The following ALKAL2 variants were observed in gnomAD, a reference collection of about 807,000 sequenced individuals.
ALKAL2 encodes the protein ALK and LTK ligand 2, also known as AUG-alpha.
In ALKAL2, 8 loss-of-function variants were observed where a neutral mutation model predicts 18.5. The observed-to-expected ratio is 0.43, with a 90% confidence interval of 0.25 to 0.78. The LOEUF (loss-of-function observed/expected upper bound fraction) is 0.78, where lower values mean the gene tolerates loss of function less well. Ranked by LOEUF, ALKAL2 falls within the 30% of genes least tolerant of loss-of-function variation. The pLI is 0.22. For missense variants in ALKAL2, 241 were observed against 211.2 expected (o/e 1.14, Z -0.88); for synonymous variants, 135 against 95.8 (o/e 1.41, Z -2.39).
At chr2:280,748 C>CTGT (rs2103079898) in intron 5 of ALKAL2, among the ~76,000 whole-genome samples, 1 of 152,254 alleles carries the variant, frequency 6.6e-6, no homozygotes, top group Non-Finnish European at 1.5e-5. Flanking sequence ...GTATCTGTGA[C>CTGT]TGTTAGGGAG....
In ALKAL2 at chr2:287,645, C is replaced by A. The variant is rs1315371153; in HGVS notation, c.191G>T (p.Arg64Leu). ...CTCCGCGCGGCCCAGGGCGCAGTCC[C>A]GCCCGAGGAGCTGCAGGCCCTTGTG... ...AEHKGLQLLG[R>L]DCALGRAEAA... The change falls in exon 2 of 6, where the codon CGG becomes CTG. Residue 64 changes from arginine to leucine, a missense_variant. By Grantham distance (102) the Arg-to-Leu change is moderately radical. Coordinates refer to ENST00000403610, the MANE Select transcript of ALKAL2 (RefSeq NM_001002919.3). The A allele has an allele frequency of 3.4e-6, 5 of 1,481,778 alleles. No homozygotes were observed. In the African/African-American group the frequency reaches 7.3e-5, roughly 22 times the overall value. 91.8% of individuals were successfully genotyped at this position (1,481,778 alleles called of 1,614,324 possible).
chr2:287,666 T>C lies in ALKAL2; in HGVS notation c.170A>G (p.Lys57Arg), dbSNP rs1670569181. ...ELRKHHSAEH[K>R]GLQLLGRDCA... Reference sequence around the variant, plus strand: ...GTCCCGCCCGAGGAGCTGCAGGCCCTTGTGCTCCGCCGAGTGGTGCTTCCG... The same window carrying C: ...GTCCCGCCCGAGGAGCTGCAGGCCCCTGTGCTCCGCCGAGTGGTGCTTCCG... Residue 57 changes from lysine to arginine, a missense_variant, in exon 2 of 6, where the codon AAG (lysine) becomes AGG (arginine). Coordinates refer to ENST00000403610, the MANE Select transcript of ALKAL2 (RefSeq NM_001002919.3). The C allele has an allele frequency of 4.0e-6, 6 of 1,484,570 alleles. No homozygotes were observed. Among genetic ancestry groups the C allele is most frequent in the Non-Finnish European group, 5.3e-6 (6 of 1,123,940 alleles). 92.0% of individuals were successfully genotyped at this position (1,484,570 alleles called of 1,614,324 possible). A position where few individuals can be genotyped will look rare whatever the true frequency, so the allele number is the denominator to read the frequency against.
chr2:287,499 G>A, intron 2 of ALKAL2, 84 bp downstream of exon 2: 2 of 697,926 alleles, frequency 2.9e-6, no homozygotes, highest in Non-Finnish European at 4.1e-6. Flanking sequence ...GGTCAAAATT[G>A]ATGTCTCTTT....
intron 4 of ALKAL2, chr2:283,531 G>C (rs980294569): frequency 2.0e-6 from 2 of 985,286 alleles, no homozygotes; most frequent in Non-Finnish European, 2.4e-6. Context: ...GCTACTTTCA[G>C]GTCATGTGCA....
intron 5 of ALKAL2, among the ~76,000 whole-genome samples, chr2:281,747 T>C (rs1449530880): frequency 6.6e-6 from 1 of 151,662 alleles, no homozygotes; most frequent in Non-Finnish European, 1.5e-5. Context: ...AGGATGTCCC[T>C]GGCCCATCTC....
chr2:286,953 G>A (rs1670530082), intron 2 of ALKAL2: 1 of 152,242 alleles, frequency 6.6e-6, no homozygotes. Context: ...AGTGGGTGGG[G>A]AGAACCCTGC....
Position 286,146 on chromosome 2 carries a change from GTGT to G in ALKAL2, c.362_364del (p.Asn121del), listed in dbSNP as rs1390415998. On this transcript the variant is annotated inframe_deletion, in exon 4 of 6. Coordinates refer to ENST00000403610, the MANE Select transcript of ALKAL2 (RefSeq NM_001002919.3). ...ACATGCAGGAATGGTGCAGTCTCTG[GTGT>G]TGTGATAAAGTCTATGGAAGTGTTT... 1 of 1,613,732 alleles carries G rather than the reference GTGT, an allele frequency of 6.2e-7. No homozygotes were observed. The highest frequency in any genetic ancestry group is 8.5e-7 in the Non-Finnish European group (1 of 1,179,780).
Position 287,645 on chromosome 2 carries a change from C to T in ALKAL2, c.191G>A (p.Arg64Gln), listed in dbSNP as rs1315371153. ...CTCCGCGCGGCCCAGGGCGCAGTCC[C>T]GCCCGAGGAGCTGCAGGCCCTTGTG... Reference protein sequence around the residue: ...AEHKGLQLLGRDCALGRAEAA... With the variant: ...AEHKGLQLLGQDCALGRAEAA... The change falls in exon 2 of 6, where the codon CGG (arginine) becomes CAG (glutamine). Residue 64 changes from arginine to glutamine, a missense_variant. Arg to Gln is a conservative substitution (Grantham distance 43, BLOSUM62 1). Coordinates refer to ENST00000403610, the MANE Select transcript of ALKAL2 (RefSeq NM_001002919.3). The T allele has an allele frequency of 1.3e-6, 2 of 1,481,778 alleles. No homozygotes were observed. The highest frequency in any genetic ancestry group is 1.8e-6 in the Non-Finnish European group (2 of 1,122,240). The allele number at this position is 1,481,778 out of a possible 1,614,324, so 91.8% of individuals were successfully genotyped here. A position where few individuals can be genotyped will look rare whatever the true frequency, so the allele number is the denominator to read the frequency against.
chr2:280,181 G>C (rs762898026), intron 5 of ALKAL2, 29 bp from the exon 6 acceptor site: 2 of 1,613,514 alleles, frequency 1.2e-6, no homozygotes, highest in Non-Finnish European at 1.7e-6. Context: ...CGTGTGATAT[G>C]ACTATCCACA....
At chr2:283,830 AATT>A (rs1670426992) in intron 4 of ALKAL2, among the ~76,000 whole-genome samples, 1 of 152,180 alleles carries the variant, frequency 6.6e-6, no homozygotes, top group Non-Finnish European at 1.5e-5. Context: ...ATAGTTTGTA[AATT>A]ATTACAGTTT....
chr2:280,577 A>G (rs1386970052), intron 5 of ALKAL2, among the ~76,000 whole-genome samples: 1 of 152,192 alleles, frequency 6.6e-6, no homozygotes, highest in Non-Finnish European at 1.5e-5. Flanking sequence ...AACCATTGGT[A>G]TTCTATTTAT....
At chr2:287,527 A>G (rs1670559671) in intron 2 of ALKAL2, 56 bp downstream of exon 2, 2 of 1,242,716 alleles carry the variant, frequency 1.6e-6, no homozygotes, top group Non-Finnish European at 2.1e-6. Flanking sequence ...GTGTTTCTCA[A>G]AGACAATTCT....
chr2:286,310 T>C lies in ALKAL2; in HGVS notation c.287A>G (p.Lys96Arg). 1.2e-6 allele frequency: 2 copies of C among 1,612,878 alleles called. No homozygotes were observed. Among genetic ancestry groups the C allele is most frequent in the Non-Finnish European group, 1.7e-6 (2 of 1,179,410 alleles). Residue 96 changes from lysine to arginine, a missense_variant, in exon 3 of 6, where the codon AAG (lysine) becomes AGG (arginine). Coordinates refer to ENST00000403610, the MANE Select transcript of ALKAL2 (RefSeq NM_001002919.3). ...IVPRDLRMKD[K>R]FLKHLTGPLY... ...CTTACCTGTAAGGTGTTTTAGAAAC[T>C]TGTCCTTCATCCTCAGATCTCGAGG...
intron 1 of ALKAL2, 50 bp from the exon 2 acceptor site, chr2:287,942 G>C (rs953692195): frequency 7.3e-6 from 9 of 1,233,032 alleles, no homozygotes; most frequent in African/African-American, 1.6e-5. Flanking sequence ...GCGGGGGAGG[G>C]GGACGGAGCG....
At position 286,326 on chromosome 2, in the gene ALKAL2, G is replaced by C. The variant is rs1264551254; in HGVS notation, c.271C>G (p.Leu91Val). ...TTTAGAAACTTGTCCTTCATCCTCA[G>C]ATCTCGAGGAACAATTTCTGTTTCA... ...EQRVEIVPRDLRMKDKFLKHL... is the reference protein window; with the variant it reads ...EQRVEIVPRDVRMKDKFLKHL... The change falls in exon 3 of 6, where the codon CTG (leucine) becomes GTG (valine). Residue 91 changes from leucine to valine, a missense_variant. By Grantham distance (32) the Leu-to-Val change is conservative (BLOSUM62 1). Transcript: ENST00000403610. 1 of 1,611,004 alleles carries C rather than the reference G, an allele frequency of 6.2e-7. No individual in the cohort carries two copies. The highest frequency in any genetic ancestry group is 1.7e-5 in the Admixed American group (1 of 59,628).
rs1239566819 is a variant in ALKAL2 at position 279,625 on chromosome 2, G to A, written c.*522C>T. The A allele has an allele frequency of 6.5e-6, 1 of 154,916 alleles. No individual in the cohort carries two copies. The allele number at this position is 154,916 out of a possible 1,614,324, so 9.6% of individuals were successfully genotyped here. On this transcript the variant is annotated 3_prime_UTR_variant, in exon 6 of 6. Coordinates refer to ENST00000403610, the MANE Select transcript of ALKAL2 (RefSeq NM_001002919.3). Reference sequence around the variant, plus strand: ...ACTATTTACATATTGCACAATAGCTGGAATACTATTTTACATTTATAATAC... The same window carrying A: ...ACTATTTACATATTGCACAATAGCTAGAATACTATTTTACATTTATAATAC...
rs1670280690 is a variant in ALKAL2 at position 279,914 on chromosome 2, TTG to T, written c.*231_*232del. ...ACACGTCAAATGTGGAGCATTCCTT[TTG>T]TGTTTTTTTTTTAAATAAGTGACAG... On this transcript the variant is annotated 3_prime_UTR_variant, in exon 6 of 6. Coordinates refer to ENST00000403610, the MANE Select transcript of ALKAL2 (RefSeq NM_001002919.3). The T allele has an allele frequency of 2.0e-6, 1 of 505,746 alleles. No homozygotes were observed. The highest frequency in any genetic ancestry group is 3.6e-6 in the Non-Finnish European group (1 of 280,924). The allele number at this position is 505,746 out of a possible 1,614,324, so 31.3% of individuals were successfully genotyped here.
rs1297813026 is a variant in ALKAL2 at position 287,710 on chromosome 2, C to T, written c.126G>A (p.Val42=). The change falls in exon 2 of 6, where the codon GTG becomes GTA. Residue 42 remains valine (V), a synonymous_variant. Coordinates refer to ENST00000403610, the MANE Select transcript of ALKAL2 (RefSeq NM_001002919.3). ...ADGQALLRLV[V]ELVQELRKHH... is the part of the protein sequence containing the mutation. ...GCTTCCGCAGCTCCTGGACGAGTTCCACCACCAGCCGCAGCAGCGCCTGTC... is the reference window on the plus strand; with the variant it reads ...GCTTCCGCAGCTCCTGGACGAGTTCTACCACCAGCCGCAGCAGCGCCTGTC... 1.4e-6 allele frequency: 2 copies of T among 1,476,498 alleles called. No individual in the cohort carries two copies. Among genetic ancestry groups the T allele is most frequent in the African/African-American group, 2.9e-5 (2 of 68,328 alleles). The allele number at this position is 1,476,498 out of a possible 1,614,324, so 91.5% of individuals were successfully genotyped here.
intron 4 of ALKAL2, chr2:285,848 T>G: frequency 1.0e-5 from 4 of 394,492 alleles, no homozygotes; most frequent in East Asian, 4.9e-5. Flanking sequence ...AACATGGGCA[T>G]TGGAGGAGAA....
Sources: allele counts gnomAD v4.1 joint callset (sites outside exome capture counted in the v4.1 genomes callset), GRCh38; gene constraint gnomAD v4.1.1; transcripts MANE v1.5; gene names NCBI Gene and HGNC (gene_info 2026-07-23, HGNC 2026-07-21).